STARD13: variants seen among roughly 807,000 people sequenced by gnomAD.
STARD13 encodes StAR related lipid transfer domain containing 13, also known as stAR-related lipid transfer protein 13.
Under a neutral mutation model 106.4 loss-of-function variants are expected in STARD13, and 62 were observed. That is an observed-to-expected ratio of 0.58 (90% CI 0.48 to 0.72). The LOEUF (loss-of-function observed/expected upper bound fraction) is 0.72. Ranked by LOEUF, STARD13 falls within the 30% of genes least tolerant of loss-of-function variation. The pLI, the probability that STARD13 is intolerant of heterozygous loss-of-function variation, is 0.00. For missense variants in STARD13, 1,387 were observed against 1,424.0 expected, an observed-to-expected ratio of 0.97 and a Z score of 0.42; for synonymous variants, 565 against 553.0, an observed-to-expected ratio of 1.02 and a Z score of -0.31.
chr13:33,125,555 T>C (rs1280766909), intron 7 of STARD13, among the ~76,000 whole-genome samples: 3 of 152,162 alleles, frequency 2.0e-5, no homozygotes, highest in African/African-American at 7.2e-5. Flanking sequence ...ATATTTGACT[T>C]AGCTGATACT....
the STARD13 span, among the ~76,000 whole-genome samples, chr13:33,447,863 A>G: frequency 6.6e-6 from 1 of 152,186 alleles, no homozygotes; most frequent in East Asian, 1.9e-4. Flanking sequence ...AATAAGATAT[A>G]TATATAAACA....
chr13:33,188,758 TATCA>T (rs1885992470), intron 1 of STARD13, among the ~76,000 whole-genome samples: 1 of 152,242 alleles, frequency 6.6e-6, no homozygotes, highest in Non-Finnish European at 1.5e-5. Context: ...TAGACTTTAA[TATCA>T]GATCCTCTGA....
the STARD13 span, among the ~76,000 whole-genome samples, chr13:33,668,084 T>G: frequency 6.6e-6 from 1 of 152,226 alleles, no homozygotes; most frequent in Non-Finnish European, 1.5e-5. Context: ...TCTTCCACCA[T>G]GTGGCTGCGC....
At chr13:33,118,292 C>A (rs1456285637) in intron 7 of STARD13, 29 bp from the exon 8 acceptor site, 2 of 1,593,482 alleles carry the variant, frequency 1.3e-6, no homozygotes, top group Non-Finnish European at 1.7e-6. Flanking sequence ...GATGTGTCAG[C>A]CAGGCCACAC....
intron 3 of STARD13, among the ~76,000 whole-genome samples, chr13:33,150,329 A>T (rs1361738455): frequency 6.6e-6 from 1 of 152,222 alleles, no homozygotes; most frequent in East Asian, 1.9e-4. Context: ...GCTCAGAGCC[A>T]ATCCATTCAG....
At chr13:33,107,864 G>T (rs1447888097) in intron 12 of STARD13, among the ~76,000 whole-genome samples, 2 of 152,042 alleles carry the variant, frequency 1.3e-5, no homozygotes, top group African/African-American at 4.8e-5. Flanking sequence ...ATAATAGATT[G>T]CATTATTAGA....
At chr13:33,452,628 T>A in the STARD13 span, among the ~76,000 whole-genome samples, 4 of 152,202 alleles carry the variant, frequency 2.6e-5, no homozygotes, top group Admixed American at 1.3e-4. Context: ...CTCTTACTAG[T>A]TATATGCGCT....
rs9568878 is a variant in STARD13 at position 33,130,153 on chromosome 13, G to A, written c.524C>T (p.Thr175Met). The A allele has an allele frequency of 6.6e-3, 10,583 of 1,614,052 alleles. 250 individuals are homozygous for A. In the East Asian group the frequency reaches 0.084, roughly 13 times the overall value. ...RGDRNGSPGG[T>M]GMRNTTSSES... The stretch of plus-strand genomic sequence containing the variant: ...ACTGCTGGTCGTGTTCCTCATCCCC[G>A]TGCCTCCCGGTGACCCATTTCTGTC... Residue 175 changes from threonine (T) to methionine (M), a missense_variant, in exon 5 of 14, where the codon ACG becomes ATG. Thr to Met is a moderately conservative substitution (Grantham distance 81). Coordinates refer to ENST00000336934, the MANE Select transcript of STARD13 (RefSeq NM_178006.4). The surrounding 1 kb of genome is among the most constrained non-coding windows in gnomAD (Gnocchi z 4.1).
At chr13:33,328,762 G>A (rs1042221928) in intron 1 of STARD13, among the ~76,000 whole-genome samples, 3 of 152,354 alleles carry the variant, frequency 2.0e-5, no homozygotes, top group African/African-American at 2.4e-5. Context: ...TGAGTTATCA[G>A]TGGAGGTAGG....
intron 1 of STARD13, among the ~76,000 whole-genome samples, chr13:33,168,175 C>G (rs576416881): frequency 6.6e-6 from 1 of 151,930 alleles, no homozygotes; most frequent in South Asian, 2.1e-4. Context: ...CACTAATAGC[C>G]TTAATTCCCC....
intron 1 of STARD13, among the ~76,000 whole-genome samples, chr13:33,282,948 T>C (rs998446773): frequency 7.2e-5 from 11 of 152,292 alleles, no homozygotes; most frequent in African/African-American, 2.6e-4. Context: ...AAGGATCGCT[T>C]GAGCCCAGGA....
chr13:33,593,994 T>C, the STARD13 span, among the ~76,000 whole-genome samples: 2 of 151,966 alleles, frequency 1.3e-5, no homozygotes, highest in Non-Finnish European at 2.9e-5. Flanking sequence ...GCAAGCTCTG[T>C]CTCCCGGGTT....
Position 33,285,755 on chromosome 13 carries a change from T to C in STARD13, c.-117A>G, listed in dbSNP as rs1270238455. ...ACAGCTCAACAGACCCAGCGATTTT[T>C]AAAAAGAAAGAGGAGTGCCAAAGCC... On this transcript the variant is annotated 5_prime_UTR_variant, in exon 1 of 14. Transcript: ENST00000336934. 2 of 1,486,926 alleles carry C rather than the reference T, an allele frequency of 1.3e-6. No individual in the cohort carries two copies. Among genetic ancestry groups the C allele is most frequent in the Non-Finnish European group, 1.8e-6 (2 of 1,124,982 alleles). The allele number at this position is 1,486,926 out of a possible 1,614,324, so 92.1% of individuals were successfully genotyped here.
the STARD13 span, among the ~76,000 whole-genome samples, chr13:33,499,725 TTCTCCCTCTCCC>T: frequency 2.1e-5 from 3 of 144,084 alleles, no homozygotes; most frequent in Non-Finnish European, 3.0e-5. Flanking sequence ...CTCCTTCTCC[TTCTCCCTCTCCC>T]TCTCCCTCTT....
chr13:33,233,791 T>G (rs1267058601), intron 1 of STARD13, among the ~76,000 whole-genome samples: 1 of 152,218 alleles, frequency 6.6e-6, no homozygotes, highest in African/African-American at 2.4e-5. Context: ...CATCCTTACC[T>G]GGGTGTTGCT....
intron 1 of STARD13, among the ~76,000 whole-genome samples, chr13:33,250,507 C>T (rs1463439545): frequency 6.6e-6 from 1 of 152,214 alleles, no homozygotes; most frequent in Non-Finnish European, 1.5e-5. Flanking sequence ...CAAGCAACTT[C>T]ATTCTGGAAC....
At chr13:33,184,960 C>T (rs1885610394) in intron 1 of STARD13, among the ~76,000 whole-genome samples, 2 of 151,754 alleles carry the variant, frequency 1.3e-5, no homozygotes, top group African/African-American at 2.4e-5. Context: ...TGCAACAAAG[C>T]TTTCCTTCAA....
At chr13:33,464,582 G>A in the STARD13 span, among the ~76,000 whole-genome samples, 2,244 of 152,282 alleles carry the variant, frequency 0.015, 61 homozygotes, top group African/African-American at 0.049. Context: ...GGGCATGGTG[G>A]CTCATGCCTG....
the STARD13 span, among the ~76,000 whole-genome samples, chr13:33,606,969 T>C: frequency 6.6e-6 from 1 of 152,316 alleles, no homozygotes; most frequent in Non-Finnish European, 1.5e-5. Flanking sequence ...ATAATCCGGG[T>C]TAATCTCTTT....
Sources: allele counts gnomAD v4.1 joint callset (sites outside exome capture counted in the v4.1 genomes callset), GRCh38; gene constraint gnomAD v4.1.1; non-coding constraint Gnocchi (gnomAD v3.1); transcripts MANE v1.5; gene names NCBI Gene and HGNC (gene_info 2026-07-23, HGNC 2026-07-21).